Variants in HOOK1 observed in about 807,000 individuals in gnomAD.
HOOK1 encodes hook microtubule tethering protein 1.
Under a neutral mutation model 112.8 loss-of-function variants are expected in HOOK1, and 60 were observed. That is an observed-to-expected ratio of 0.53 (90% CI 0.43 to 0.66). The LOEUF is 0.66. Among genes scored for constraint, HOOK1 ranks in the 30% least tolerant of loss-of-function variants. HOOK1 has a pLI of 0.00. For missense variants in HOOK1, 770 were observed against 856.0 expected (o/e 0.90, Z 1.25); for synonymous variants, 294 against 283.8 (o/e 1.04, Z -0.36).
intron 7 of HOOK1, among the ~76,000 whole-genome samples, chr1:59,839,214 G>C (rs965716690): frequency 2.6e-5 from 4 of 152,144 alleles, no homozygotes; most frequent in African/African-American, 9.7e-5. Flanking sequence ...GATTAAAGTA[G>C]TTGTTTCCAA....
At chr1:59,832,312 G>C (rs2098394592) in intron 4 of HOOK1, 99 bp downstream of exon 4, 3 of 701,966 alleles carry the variant, frequency 4.3e-6, no homozygotes, top group Admixed American at 5.4e-5. Context: ...ATATTTTACT[G>C]GAATGTAAGT....
intron 8 of HOOK1, among the ~76,000 whole-genome samples, chr1:59,842,656 A>G (rs1267699415): frequency 6.6e-6 from 1 of 152,168 alleles, no homozygotes; most frequent in African/African-American, 2.4e-5. Flanking sequence ...AATACACTGG[A>G]AATCAGAATA....
rs1409731587 is a variant in HOOK1 at position 59,849,175 on chromosome 1, G to A, written c.1234G>A (p.Glu412Lys). ...LEEKHEALLK[E>K]KERLIEQRDT... is the part of the protein sequence containing the mutation. ...AGAAAAACATGAAGCTTTACTTAAG[G>A]AAAAAGAGGTAAACATAGATATAAT... Residue 412 changes from glutamate to lysine, a missense_variant, in exon 12 of 22, where the codon GAA becomes AAA. This residue lies in a region of HOOK1 where 655 missense variants were observed against 725.9 expected (regional missense o/e 0.90). Coordinates refer to ENST00000371208, the MANE Select transcript of HOOK1 (RefSeq NM_015888.6). 6.3e-7 allele frequency: 1 copy of A among 1,590,578 alleles called. No homozygotes were observed. The highest frequency in any genetic ancestry group is 1.1e-5 in the South Asian group (1 of 89,878).
At chr1:59,848,930 A>G in intron 11 of HOOK1, 143 bp from the exon 12 acceptor site, 1 of 477,412 alleles carries the variant, frequency 2.1e-6, no homozygotes, top group Non-Finnish European at 3.8e-6. Flanking sequence ...GTTATTTTCC[A>G]CAAGTATTTA....
chr1:59,853,849 C>T (rs2098408571), intron 12 of HOOK1, among the ~76,000 whole-genome samples: 1 of 150,904 alleles, frequency 6.6e-6, no homozygotes, highest in South Asian at 2.1e-4. Context: ...CTGAAAACTA[C>T]TCCAAAATAA....
chr1:59,853,284 G>C (rs2098408228), intron 12 of HOOK1, among the ~76,000 whole-genome samples: 1 of 151,742 alleles, frequency 6.6e-6, no homozygotes, highest in Non-Finnish European at 1.5e-5. Context: ...ATGTATTTTA[G>C]ATCTGTGAGG....
chr1:59,872,831 C>A lies in HOOK1; in HGVS notation c.2053C>A (p.Leu685Ile). 1 of 1,470,196 alleles carries A rather than the reference C, an allele frequency of 6.8e-7. No homozygotes were observed. Among genetic ancestry groups the A allele is most frequent in the Non-Finnish European group, 9.1e-7 (1 of 1,097,536 alleles). 91.1% of individuals were successfully genotyped at this position (1,470,196 alleles called of 1,614,324 possible). A position where few individuals can be genotyped will look rare whatever the true frequency, so the allele number is the denominator to read the frequency against. ...AFQKLGMESR[L>I]VSGGGACSDT... Reference sequence around the variant, plus strand: ...CCAGAAACTGGGGATGGAATCTAGACTTGTGAGCGGCGGTGGTGCCTGCAG... The same window carrying A: ...CCAGAAACTGGGGATGGAATCTAGAATTGTGAGCGGCGGTGGTGCCTGCAG... The change falls in exon 22 of 22, where the codon CTT (leucine) becomes ATT (isoleucine). Residue 685 changes from leucine (L) to isoleucine (I), a missense_variant. By Grantham distance (5) the Leu-to-Ile change is conservative. This residue lies in a region of HOOK1 where 111 missense variants were observed against 111.8 expected (regional missense o/e 0.99). Transcript: ENST00000371208.
chr1:59,870,818 G>T, intron 20 of HOOK1: 1 of 416,268 alleles, frequency 2.4e-6, no homozygotes, highest in Non-Finnish European at 4.4e-6. Context: ...TCTTCTACCT[G>T]TAAATTTCTT....
Position 59,849,098 on chromosome 1 carries a change from C to G in HOOK1, c.1157C>G (p.Ser386Cys), listed in dbSNP as rs2098405722. ...GTTCAAGATCTTCATGTTAAACTTT[C>G]CTCCGAATCCAAGAGGGCAGACACA... ...RQVQDLHVKL[S>C]SESKRADTLA... The change falls in exon 12 of 22, where the codon TCC becomes TGC. Residue 386 changes from serine to cysteine, a missense_variant. By Grantham distance (112) the Ser-to-Cys change is moderately radical. Coordinates refer to ENST00000371208, the MANE Select transcript of HOOK1 (RefSeq NM_015888.6). The G allele has an allele frequency of 6.2e-7, 1 of 1,606,932 alleles. No individual in the cohort carries two copies. The highest frequency in any genetic ancestry group is 1.3e-5 in the African/African-American group (1 of 74,552).
intron 1 of HOOK1, among the ~76,000 whole-genome samples, chr1:59,816,642 T>A (rs2098381753): frequency 6.6e-6 from 1 of 152,230 alleles, no homozygotes; most frequent in African/African-American, 2.4e-5. Flanking sequence ...AACCAGAATT[T>A]ATTGACTTCC....
chr1:59,824,171 A>G (rs569104941), intron 2 of HOOK1, among the ~76,000 whole-genome samples: 3 of 151,804 alleles, frequency 2.0e-5, no homozygotes, highest in Admixed American at 2.0e-4. Flanking sequence ...ATTTTACCAT[A>G]TGTCTTTGAA....
Position 59,871,043 on chromosome 1 carries a change from G to T in HOOK1, c.1949G>T (p.Ser650Ile). The T allele has an allele frequency of 1.3e-6, 2 of 1,598,168 alleles. No individual in the cohort carries two copies. Among genetic ancestry groups the T allele is most frequent in the Non-Finnish European group, 1.7e-6 (2 of 1,166,292 alleles). The change falls in exon 21 of 22, where the codon AGT becomes ATT. Residue 650 changes from serine to isoleucine, a missense_variant and splice_region_variant. Around this residue, in one of 3 missense-constraint regions of HOOK1, gnomAD observed 111 missense variants for 111.8 expected, o/e 0.99. Transcript: ENST00000371208. ...ATTGTTCTCATATCTTTTTTCCAGAGTGAATGCAAAGTAGCAAAATTCCGT... is the reference window on the plus strand; with the variant it reads ...ATTGTTCTCATATCTTTTTTCCAGATTGAATGCAAAGTAGCAAAATTCCGT... ...EKERRIEILE[S>I]ECKVAKFRDY...
chr1:59,816,321 G>C (rs994256524), intron 1 of HOOK1, among the ~76,000 whole-genome samples: 1 of 152,174 alleles, frequency 6.6e-6, no homozygotes, highest in Admixed American at 6.5e-5. Flanking sequence ...AATATTTAGG[G>C]TTTGTGAGTT....
chr1:59,864,745 A>G, intron 17 of HOOK1, 79 bp downstream of exon 17: 1 of 908,044 alleles, frequency 1.1e-6, no homozygotes, highest in Non-Finnish European at 1.7e-6. Flanking sequence ...TCCTTTTCGG[A>G]TTTTGTCTAG....
chr1:59,823,531 GT>G (rs1314897947), intron 2 of HOOK1, among the ~76,000 whole-genome samples: 5 of 151,764 alleles, frequency 3.3e-5, no homozygotes, highest in Non-Finnish European at 7.4e-5. Flanking sequence ...CAACATTGTG[GT>G]TGGTATGAAT....
At position 59,875,041 on chromosome 1, in the gene HOOK1, T is replaced by A. The variant is rs1644110977; in HGVS notation, c.*2076T>A. The stretch of plus-strand genomic sequence containing the variant: ...AATAAAATAAGCCTTTGAAAATATT[T>A]TAGCATGGTATTTAACATTTTCTAA... On this transcript the variant is annotated 3_prime_UTR_variant, in exon 22 of 22. Coordinates refer to ENST00000371208, the MANE Select transcript of HOOK1 (RefSeq NM_015888.6). 6.6e-6 allele frequency: 1 copy of A among 152,608 alleles called. No individual in the cohort carries two copies. Among genetic ancestry groups the A allele is most frequent in the Admixed American group, 6.5e-5 (1 of 15,280 alleles). 9.5% of individuals were successfully genotyped at this position (152,608 alleles called of 1,614,324 possible). A position where few individuals can be genotyped will look rare whatever the true frequency, so the allele number is the denominator to read the frequency against.
intron 1 of HOOK1, among the ~76,000 whole-genome samples, chr1:59,818,286 G>A (rs111546385): frequency 8.7e-4 from 133 of 152,278 alleles, no homozygotes; most frequent in African/African-American, 3.0e-3. Context: ...AGACAGTTGG[G>A]AATAACTCTT....
rs182957848 is a variant in HOOK1, at chr1:59,852,012, A to G, written c.1242+2829A>G. On this transcript the variant is annotated intron_variant, in intron 12 of 21. Transcript: ENST00000371208. ...TAAACCGATCTTGCATTATTGAGAT[A>G]AATTCTACTTGTTCATAATATATAC... Among the ~76,000 whole-genome samples the G allele has an allele frequency of 1.2e-3, 182 of 151,836 alleles. 6 individuals are homozygous for G. In the East Asian group the frequency reaches 0.033, roughly 27 times the overall value.
chr1:59,865,991 G>A lies in HOOK1; in HGVS notation c.1845+19G>A, dbSNP rs1180039598. 4.4e-6 allele frequency: 6 copies of A among 1,360,274 alleles called. No homozygotes were observed. The highest frequency in any genetic ancestry group is 2.9e-5 in the African/African-American group (2 of 68,712). The allele number at this position is 1,360,274 out of a possible 1,614,324, so 84.3% of individuals were successfully genotyped here. A position where few individuals can be genotyped will look rare whatever the true frequency, so the allele number is the denominator to read the frequency against. ...CAGAAATGTGAGTGACTTATCTTTC[G>A]GAGCTCAAGACTTTGTGGCCTGTGT... On this transcript the variant is annotated intron_variant, in intron 19 of 21. Transcript: ENST00000371208.
Sources: gnomAD v4.1 joint callset for allele counts (sites outside exome capture counted in the v4.1 genomes callset) on GRCh38, gnomAD v4.1.1 for gene constraint, gnomAD v4.1.1 regional missense constraint, MANE v1.5 for transcripts, NCBI Gene and HGNC (gene_info 2026-07-23, HGNC 2026-07-21) for gene names.